Variants in ABCB1 observed in about 807,000 individuals in gnomAD.
ABCB1 encodes ATP-dependent translocase ABCB1.
A neutral mutation model predicts 142.0 loss-of-function variants in ABCB1; 69 were observed. The observed-to-expected ratio is 0.49, with a 90% CI of 0.40 to 0.59. The LOEUF is 0.59. Among genes scored for constraint, ABCB1 ranks in the 20% least tolerant of loss-of-function variants. ABCB1 has a pLI of 0.00. For synonymous variants in ABCB1, 532 were observed against 539.2 expected (o/e 0.99, Z 0.18); for missense variants, 1,326 against 1,554.7 (o/e 0.85, Z 2.47).
At chr7:87,510,052 T>A (rs748646219) in intron 25 of ABCB1, among the ~76,000 whole-genome samples, 2 of 152,122 alleles carry the variant, frequency 1.3e-5, no homozygotes, top group Non-Finnish European at 2.9e-5. Context: ...TCCTGACACT[T>A]GATATGAGCC....
At chr7:87,529,323 A>G (rs550602149) in intron 21 of ABCB1, among the ~76,000 whole-genome samples, 1 of 152,324 alleles carries the variant, frequency 6.6e-6, no homozygotes, top group South Asian at 2.1e-4. Context: ...GATACTTGTT[A>G]TATAAGAAGT....
chr7:87,574,472 A>C lies in ABCB1; in HGVS notation c.287-4249T>G, dbSNP rs143004975. Reference sequence around the variant, plus strand: ...AAAGTTATGATTTTTGCACACTTGGATTCTGGAATAATAGTTACATTTGCT... The same window carrying C: ...AAAGTTATGATTTTTGCACACTTGGCTTCTGGAATAATAGTTACATTTGCT... On this transcript the variant is annotated intron_variant, in intron 4 of 27. Coordinates refer to ENST00000622132, the MANE Select transcript of ABCB1 (RefSeq NM_001348946.2). Among the ~76,000 whole-genome samples, 5 of 152,260 alleles carry C rather than the reference A, an allele frequency of 3.3e-5. 1 individual carries two copies. The East Asian group carries it at 9.6e-4, about 29-fold the overall frequency.
chr7:87,656,617 A>G (rs1169660349), intron 1 of ABCB1, among the ~76,000 whole-genome samples: 1 of 152,202 alleles, frequency 6.6e-6, no homozygotes, highest in Non-Finnish European at 1.5e-5. Context: ...GAAAGACGTT[A>G]GAGGATACTC....
intron 1 of ABCB1, among the ~76,000 whole-genome samples, chr7:87,616,459 G>A (rs555180630): frequency 1.3e-5 from 2 of 152,330 alleles, no homozygotes; most frequent in East Asian, 3.9e-4. Flanking sequence ...CAGAAACAAT[G>A]TTAAGGTCAA....
At chr7:87,649,932 C>T (rs2130366815) in intron 1 of ABCB1, among the ~76,000 whole-genome samples, 1 of 152,286 alleles carries the variant, frequency 6.6e-6, no homozygotes, top group East Asian at 1.9e-4. Context: ...CTTCCTTCAT[C>T]TTCTGCCATA....
chr7:87,592,142 T>C (rs1819023898), intron 3 of ABCB1, among the ~76,000 whole-genome samples: 1 of 152,152 alleles, frequency 6.6e-6, no homozygotes, highest in Non-Finnish European at 1.5e-5. Context: ...TGAAGGGAGC[T>C]GGCAGGGGTG....
rs528220984 is a variant in ABCB1 at position 87,626,064 on chromosome 7, G to T, written c.-330-24986C>A. Among the ~76,000 whole-genome samples the T allele has an allele frequency of 1.5e-4, 19 of 127,802 alleles. 1 individual carries two copies. The highest frequency in any genetic ancestry group is 5.3e-4 in the African/African-American group (17 of 32,254). 83.8% of individuals were successfully genotyped at this position (127,802 alleles called of 152,430 possible). A position where few individuals can be genotyped will look rare whatever the true frequency, so the allele number is the denominator to read the frequency against. ...GAGAGAGATGGAGTCTCATTCTGTC[G>T]CCCAGGCTGAGACATATATATATAT... On this transcript the variant is annotated intron_variant, in intron 1 of 28. Coordinates refer to the ABCB1 transcript ENST00000265724.
At chr7:87,694,888 TA>T (rs1828365356) in intron 1 of ABCB1, among the ~76,000 whole-genome samples, 1 of 152,182 alleles carries the variant, frequency 6.6e-6, no homozygotes, top group Admixed American at 6.5e-5. Flanking sequence ...TTTGGAAAAT[TA>T]AGAGTTGACT....
intron 1 of ABCB1, among the ~76,000 whole-genome samples, chr7:87,693,731 C>T (rs1293300847): frequency 6.6e-6 from 1 of 152,192 alleles, no homozygotes; most frequent in Non-Finnish European, 1.5e-5. Flanking sequence ...CATTTACTTA[C>T]CAAGTGTAGC....
At chr7:87,706,284 G>A (rs1220207279) in intron 1 of ABCB1, among the ~76,000 whole-genome samples, 1 of 152,020 alleles carries the variant, frequency 6.6e-6, no homozygotes, top group South Asian at 2.1e-4. Flanking sequence ...AGCTACTTGA[G>A]AGTTTTTTTT....
intron 1 of ABCB1, among the ~76,000 whole-genome samples, chr7:87,684,476 G>A (rs148739108): frequency 5.9e-5 from 9 of 152,054 alleles, no homozygotes; most frequent in Admixed American, 3.9e-4. Flanking sequence ...AAGCTTATAC[G>A]TATAGATAAA....
At chr7:87,711,829 T>C (rs1830118132) in intron 1 of ABCB1, among the ~76,000 whole-genome samples, 1 of 152,196 alleles carries the variant, frequency 6.6e-6, no homozygotes, top group Admixed American at 6.5e-5. Context: ...CGGAGCTGCC[T>C]GAGATATTTC....
chr7:87,609,589 G>A (rs1018546704), intron 1 of ABCB1, among the ~76,000 whole-genome samples: 2 of 152,160 alleles, frequency 1.3e-5, no homozygotes, highest in Non-Finnish European at 2.9e-5. Context: ...TGGCTAGCAT[G>A]GGAATCCATG....
At chr7:87,711,294 G>A (rs1012033875) in intron 1 of ABCB1, among the ~76,000 whole-genome samples, 2 of 151,770 alleles carry the variant, frequency 1.3e-5, no homozygotes, top group African/African-American at 2.4e-5. Flanking sequence ...CCATTGCACC[G>A]CAGCCTGAGC....
chr7:87,578,075 C>T (rs1037852886), intron 4 of ABCB1, among the ~76,000 whole-genome samples: 18 of 152,114 alleles, frequency 1.2e-4, no homozygotes, highest in African/African-American at 4.3e-4. Flanking sequence ...AGTCTTTAAT[C>T]CATATTGATT....
chr7:87,559,989 T>C (rs964151100), intron 8 of ABCB1, among the ~76,000 whole-genome samples: 1 of 152,206 alleles, frequency 6.6e-6, no homozygotes, highest in African/African-American at 2.4e-5. Flanking sequence ...TCAGAAAATA[T>C]TTTTCTGAAT....
intron 19 of ABCB1, 37 bp from the exon 20 acceptor site, chr7:87,536,578 G>A: frequency 6.3e-7 from 1 of 1,598,868 alleles, no homozygotes. Flanking sequence ...CCTTAAAGCT[G>A]TTTATGAGAC....
At chr7:87,586,132 A>G (rs1487698591) in intron 3 of ABCB1, among the ~76,000 whole-genome samples, 1 of 152,228 alleles carries the variant, frequency 6.6e-6, no homozygotes, top group Non-Finnish European at 1.5e-5. Flanking sequence ...GACCTGCCAA[A>G]CAATGGAACT....
At chr7:87,544,394 GT>G in intron 16 of ABCB1, 119 bp from the exon 17 acceptor site, 2 of 1,036,662 alleles carry the variant, frequency 1.9e-6, no homozygotes, top group South Asian at 1.5e-5. Flanking sequence ...CAATGAATAA[GT>G]GATGACAATT....
Sources: allele counts gnomAD v4.1 joint callset (sites outside exome capture counted in the v4.1 genomes callset), GRCh38; gene constraint gnomAD v4.1.1; transcripts MANE v1.5; gene names NCBI Gene and HGNC (gene_info 2026-07-23, HGNC 2026-07-21).